Variants in ART4 observed in about 807,000 individuals in gnomAD.
ART4 encodes ecto-ADP-ribosyltransferase 4.
A neutral mutation model predicts 24.2 loss-of-function variants in ART4; 14 were observed. The observed-to-expected ratio is 0.58, with a 90% CI of 0.38 to 0.90. The LOEUF (loss-of-function observed/expected upper bound fraction) is 0.90. Ranked by LOEUF, ART4 falls within the 40% of genes least tolerant of loss-of-function variation. The pLI is 0.00. For missense variants in ART4, 356 were observed against 366.6 expected (o/e 0.97, Z 0.24); for synonymous variants, 145 against 139.9 (o/e 1.04, Z -0.26).
Position 14,829,438 on chromosome 12 carries a change from T to C in ART4, c.878A>G (p.Asp293Gly). The C allele has an allele frequency of 6.2e-7, 1 of 1,609,236 alleles. No individual in the cohort carries two copies. Among genetic ancestry groups the C allele is most frequent in the Non-Finnish European group, 8.5e-7 (1 of 1,178,646 alleles). The change falls in exon 3 of 3, where the codon GAT becomes GGT. Residue 293 changes from aspartate (D) to glycine (G), a missense_variant. Coordinates refer to ENST00000228936, the MANE Select transcript of ART4 (RefSeq NM_021071.4). ...GGAGAGAGATGCAATAGCTATAGGA[T>C]CAGGGATGCATTTCTTGCTGGAAGC... ...LKASSKKCIP[D>G]PIAIASLSFL...
At chr12:14,836,731 G>C (rs1428741256) in intron 2 of ART4, among the ~76,000 whole-genome samples, 1 of 152,124 alleles carries the variant, frequency 6.6e-6, no homozygotes, top group Non-Finnish European at 1.5e-5. Flanking sequence ...AGGAAGAAAG[G>C]CATCCCTGCA....
At chr12:14,836,732 C>T (rs551433641) in intron 2 of ART4, among the ~76,000 whole-genome samples, 1 of 152,276 alleles carries the variant, frequency 6.6e-6, no homozygotes, top group Admixed American at 6.5e-5. Context: ...GGAAGAAAGG[C>T]ATCCCTGCAA....
chr12:14,841,402 CT>C (rs1372362298), intron 1 of ART4, among the ~76,000 whole-genome samples: 1 of 152,246 alleles, frequency 6.6e-6, no homozygotes, highest in African/African-American at 2.4e-5. Flanking sequence ...GGAAGTAACT[CT>C]TTTAATATCA....
chr12:14,829,539 A>C (rs1950380447), intron 2 of ART4, 77 bp from the exon 3 acceptor site: 4 of 939,406 alleles, frequency 4.3e-6, no homozygotes, highest in Non-Finnish European at 6.5e-6. Context: ...CCATTGATCC[A>C]CTTACTTAAC....
chr12:14,841,942 C>T (rs1863057531), intron 1 of ART4, among the ~76,000 whole-genome samples: 1 of 152,196 alleles, frequency 6.6e-6, no homozygotes, highest in African/African-American at 2.4e-5. Context: ...TGTTTTTTCC[C>T]ATGTTACCAG....
In ART4 at chr12:14,828,636, A is replaced by G. The variant is rs770999358; in HGVS notation, c.*735T>C. On this transcript the variant is annotated 3_prime_UTR_variant, in exon 3 of 3. Transcript: ENST00000228936. ...AATAACTAAATTAAAAAAAATAAGG[A>G]AGAGTGCTTGTATTCGTTGGAACTT... is the stretch of plus-strand genomic sequence containing the variant. 1.3e-5 allele frequency: 2 copies of G among 152,278 alleles called. No individual in the cohort carries two copies. Among genetic ancestry groups the G allele is most frequent in the Non-Finnish European group, 2.9e-5 (2 of 68,014 alleles). 9.4% of individuals were successfully genotyped at this position (152,278 alleles called of 1,614,324 possible). A position where few individuals can be genotyped will look rare whatever the true frequency, so the allele number is the denominator to read the frequency against.
intron 1 of ART4, among the ~76,000 whole-genome samples, chr12:14,842,202 C>T (rs1451688275): frequency 6.6e-6 from 1 of 152,152 alleles, no homozygotes; most frequent in Non-Finnish European, 1.5e-5. Context: ...TAAAACATTC[C>T]TTTCTTGGCA....
intron 1 of ART4, 24 bp from the exon 2 acceptor site, chr12:14,841,177 G>A (rs1863048152): frequency 6.4e-7 from 1 of 1,553,176 alleles, no homozygotes; most frequent in Non-Finnish European, 8.7e-7. Context: ...AAAATCTTGA[G>A]TTTAATTTTT....
chr12:14,829,284 A>G lies in ART4; in HGVS notation c.*87T>C. The G allele has an allele frequency of 2.1e-6, 2 of 932,614 alleles. No homozygotes were observed. The highest frequency in any genetic ancestry group is 3.1e-6 in the Non-Finnish European group (2 of 644,786). The allele number at this position is 932,614 out of a possible 1,614,324, so 57.8% of individuals were successfully genotyped here. A position where few individuals can be genotyped will look rare whatever the true frequency, so the allele number is the denominator to read the frequency against. The stretch of plus-strand genomic sequence containing the variant: ...GTATGATGGGATCATCCTTCCTGGA[A>G]AATAAATGTCCATTTCTAGCCAAAA... On this transcript the variant is annotated 3_prime_UTR_variant, in exon 3 of 3. Coordinates refer to ENST00000228936, the MANE Select transcript of ART4 (RefSeq NM_021071.4).
chr12:14,832,269 C>G (rs569041685), intron 2 of ART4, among the ~76,000 whole-genome samples: 20 of 152,280 alleles, frequency 1.3e-4, no homozygotes, highest in Non-Finnish European at 2.8e-4. Context: ...TCTCTCATTC[C>G]CGTACACTGG....
intron 2 of ART4, among the ~76,000 whole-genome samples, chr12:14,836,734 TC>T (rs1172288343): frequency 6.6e-6 from 1 of 152,172 alleles, no homozygotes; most frequent in East Asian, 1.9e-4. Context: ...AAGAAAGGCA[TC>T]CCTGCAATGT....
At chr12:14,832,693 A>G (rs1386552001) in intron 2 of ART4, among the ~76,000 whole-genome samples, 3 of 152,228 alleles carry the variant, frequency 2.0e-5, no homozygotes, top group Non-Finnish European at 4.4e-5. Context: ...AATAGCTGCT[A>G]TTATGATGAT....
intron 2 of ART4, among the ~76,000 whole-genome samples, chr12:14,836,562 A>G (rs1426352888): frequency 6.6e-6 from 1 of 152,216 alleles, no homozygotes; most frequent in Non-Finnish European, 1.5e-5. Flanking sequence ...AACCAGAGAA[A>G]GCAAAACCAT....
chr12:14,837,263 G>C (rs1565429822), intron 2 of ART4, among the ~76,000 whole-genome samples: 1 of 152,168 alleles, frequency 6.6e-6, no homozygotes, highest in Non-Finnish European at 1.5e-5. Flanking sequence ...TGTGACAACA[G>C]CTTACTTTTG....
At chr12:14,842,935 T>G in intron 1 of ART4, 35 bp downstream of exon 1, 1 of 1,592,132 alleles carries the variant, frequency 6.3e-7, no homozygotes, top group South Asian at 1.1e-5. Flanking sequence ...GGAGCACTGA[T>G]CATAAAGAGA....
At chr12:14,835,956 A>G (rs776441317) in intron 2 of ART4, among the ~76,000 whole-genome samples, 26 of 152,088 alleles carry the variant, frequency 1.7e-4, no homozygotes, top group Middle Eastern at 3.2e-3. Context: ...CCTGTCCAAG[A>G]CTGTATTCAG....
Position 14,829,317 on chromosome 12 carries a change from A to T in ART4, c.*54T>A. On this transcript the variant is annotated 3_prime_UTR_variant, in exon 3 of 3. Transcript: ENST00000228936. ...GTCCATTTCTAGCCAAAAGGCCAAT[A>T]AAAAAGATTTTATTTAAATATTTTT... 7.9e-7 allele frequency: 1 copy of T among 1,265,502 alleles called. No homozygotes were observed. The allele number at this position is 1,265,502 out of a possible 1,614,324, so 78.4% of individuals were successfully genotyped here. A position where few individuals can be genotyped will look rare whatever the true frequency, so the allele number is the denominator to read the frequency against.
chr12:14,839,960 A>C (rs1043074309), intron 2 of ART4, among the ~76,000 whole-genome samples: 3 of 152,104 alleles, frequency 2.0e-5, no homozygotes, highest in Non-Finnish European at 2.9e-5. Flanking sequence ...TCATATTTCC[A>C]TTTCTCGTTA....
At chr12:14,831,051 A>G (rs986171583) in intron 2 of ART4, among the ~76,000 whole-genome samples, 9 of 152,120 alleles carry the variant, frequency 5.9e-5, no homozygotes, top group Non-Finnish European at 1.3e-4. Flanking sequence ...GCCACACAGT[A>G]AGTGACAGAG....
Sources: gnomAD v4.1 joint callset for allele counts (sites outside exome capture counted in the v4.1 genomes callset) on GRCh38, gnomAD v4.1.1 for gene constraint, MANE v1.5 for transcripts, NCBI Gene and HGNC (gene_info 2026-07-23, HGNC 2026-07-21) for gene names.